XKR6: variants seen among roughly 807,000 people sequenced by gnomAD.
XKR6 encodes XK related 6.
XKR6 carries 22 observed loss-of-function variants against 56.7 expected under a neutral mutation model. The observed-to-expected ratio is 0.39, with a 90% CI of 0.28 to 0.55. XKR6 has a LOEUF of 0.55. XKR6 is among the 20% of genes least tolerant of loss of function. XKR6 has a pLI of 0.66. For synonymous variants in XKR6, 524 were observed against 387.8 expected, an observed-to-expected ratio of 1.35 and a Z score of -4.13; for missense variants, 852 against 889.0, an observed-to-expected ratio of 0.96 and a Z score of 0.53.
At chr8:10,982,118 A>G (rs1443036310) in intron 1 of XKR6, among the ~76,000 whole-genome samples, 3 of 152,250 alleles carry the variant, frequency 2.0e-5, no homozygotes, top group East Asian at 1.9e-4. Context: ...TGAAGTCTAC[A>G]CACGTCAACT....
At chr8:11,111,145 C>A (rs186993034) in intron 1 of XKR6, among the ~76,000 whole-genome samples, 1 of 151,882 alleles carries the variant, frequency 6.6e-6, no homozygotes, top group African/African-American at 2.4e-5. Flanking sequence ...TGAGCCACTG[C>A]GCCTGCCCAA....
intron 1 of XKR6, among the ~76,000 whole-genome samples, chr8:11,085,603 G>A (rs988736183): frequency 6.6e-6 from 1 of 152,122 alleles, no homozygotes; most frequent in Non-Finnish European, 1.5e-5. Flanking sequence ...GGCCAGAGCG[G>A]GAGATTATTC....
In XKR6 at chr8:11,010,776, C is replaced by CTT. The variant is rs79200947; in HGVS notation, c.765-85948_765-85947dup. Among the ~76,000 whole-genome samples the CTT allele has an allele frequency of 4.1e-5, 6 of 147,042 alleles. No homozygotes were observed. The South Asian group carries it at 6.5e-4, about 16-fold the overall frequency. On this transcript the variant is annotated intron_variant, in intron 1 of 2. Coordinates refer to ENST00000416569, the MANE Select transcript of XKR6 (RefSeq NM_173683.4). ...TTCTAAAACAGTGGCCCCTCCCCAC[C>CTT]TTTTTTTTTTTTCCTGTCATGACAT...
chr8:11,112,994 T>C (rs1171257650), intron 1 of XKR6, among the ~76,000 whole-genome samples: 1 of 152,106 alleles, frequency 6.6e-6, no homozygotes, highest in Non-Finnish European at 1.5e-5. Context: ...AAGAGAAACA[T>C]GAAAATAAAG....
intron 1 of XKR6, among the ~76,000 whole-genome samples, chr8:11,132,734 G>T (rs1374864036): frequency 6.7e-6 from 1 of 149,394 alleles, no homozygotes; most frequent in Non-Finnish European, 1.5e-5. Context: ...CTTCATACTG[G>T]CTCTGTCCCT....
chr8:10,946,807 AG>A, intron 1 of XKR6, among the ~76,000 whole-genome samples: 1 of 152,290 alleles, frequency 6.6e-6, no homozygotes, highest in East Asian at 1.9e-4. Flanking sequence ...AGGTTGGAAC[AG>A]CAGGAAAGGC....
At chr8:11,194,539 T>A (rs947596017) in intron 1 of XKR6, 2 of 152,238 alleles carry the variant, frequency 1.3e-5, no homozygotes, top group African/African-American at 4.8e-5. Flanking sequence ...ACTAGATGAA[T>A]AGCACATCAT....
rs1263888180 is a variant in XKR6 at position 10,971,257 on chromosome 8, T to C, written c.765-46427A>G. ...TAACACGGCGAAACTCCACCTCTACTAAAAATACAAAAAATTAGCCAGGTG... is the reference window on the plus strand; with the variant it reads ...TAACACGGCGAAACTCCACCTCTACCAAAAATACAAAAAATTAGCCAGGTG... On this transcript the variant is annotated intron_variant, in intron 1 of 2. Coordinates refer to ENST00000416569, the MANE Select transcript of XKR6 (RefSeq NM_173683.4). Among the ~76,000 whole-genome samples the C allele has an allele frequency of 7.9e-5, 12 of 151,694 alleles. No homozygotes were observed. The East Asian group carries it at 2.3e-3, about 30-fold the overall frequency.
intron 1 of XKR6, among the ~76,000 whole-genome samples, chr8:10,982,556 G>C (rs1797758993): frequency 6.6e-6 from 1 of 152,218 alleles, no homozygotes; most frequent in Non-Finnish European, 1.5e-5. Context: ...TAGCCCTGTT[G>C]TGACTAAGGG....
chr8:11,090,339 C>T (rs1197434464), intron 1 of XKR6, among the ~76,000 whole-genome samples: 2 of 152,196 alleles, frequency 1.3e-5, no homozygotes, highest in African/African-American at 2.4e-5. Flanking sequence ...CCTCCCCTCT[C>T]AGCCTCCCAA....
chr8:10,956,928 T>A (rs914932739), intron 1 of XKR6, among the ~76,000 whole-genome samples: 1 of 152,214 alleles, frequency 6.6e-6, no homozygotes, highest in Non-Finnish European at 1.5e-5. Context: ...CTTACCCTAG[T>A]CCTGGCCTTG....
At chr8:11,195,871 C>G (rs182686637) in intron 1 of XKR6, among the ~76,000 whole-genome samples, 1 of 150,876 alleles carries the variant, frequency 6.6e-6, no homozygotes, top group African/African-American at 2.4e-5. Flanking sequence ...CCAGGATGGT[C>G]GCGATCTCCT....
chr8:11,049,468 G>C (rs201912482), intron 1 of XKR6, among the ~76,000 whole-genome samples: 1 of 152,086 alleles, frequency 6.6e-6, no homozygotes. Flanking sequence ...AGGGGGCTGC[G>C]GGAATTAGCC....
intron 1 of XKR6, among the ~76,000 whole-genome samples, chr8:11,153,586 C>T (rs1801363533): frequency 6.6e-6 from 1 of 152,128 alleles, no homozygotes; most frequent in Non-Finnish European, 1.5e-5. Flanking sequence ...ATCTGAAATA[C>T]AAGGAATAAT....
At chr8:10,916,736 C>G (rs749422734) in intron 2 of XKR6, among the ~76,000 whole-genome samples, 1 of 152,186 alleles carries the variant, frequency 6.6e-6, no homozygotes, top group Non-Finnish European at 1.5e-5. Context: ...AAGTGCTTGC[C>G]GGGTTGCAGC....
chr8:10,958,896 C>T (rs1801975029), intron 1 of XKR6, among the ~76,000 whole-genome samples: 1 of 152,232 alleles, frequency 6.6e-6, no homozygotes, highest in Non-Finnish European at 1.5e-5. Flanking sequence ...GGAGCAGCAG[C>T]AAGGCCTGGA....
Position 11,106,863 on chromosome 8 carries a change from A to AAAAAAAAAAAAAAAAAAAAAAAAAAAAG in XKR6, c.764+93712_764+93713insCTTTTTTTTTTTTTTTTTTTTTTTTTTT, listed in dbSNP as rs60435831. On this transcript the variant is annotated intron_variant, in intron 1 of 2. Transcript: ENST00000416569. ...GAGACTTCATCTCAAAAAAAAAAAA[A>AAAAAAAAAAAAAAAAAAAAAAAAAAAAG]AATAAAAAAGATACAACGTTACAAA... Among the ~76,000 whole-genome samples, 38 of 109,914 alleles carry AAAAAAAAAAAAAAAAAAAAAAAAAAAAG rather than the reference A, an allele frequency of 3.5e-4. 4 individuals carry two copies. Among genetic ancestry groups the AAAAAAAAAAAAAAAAAAAAAAAAAAAAG allele is most frequent in the African/African-American group, 1.6e-3 (35 of 21,630 alleles). The allele number at this position is 109,914 out of a possible 152,430, so 72.1% of individuals were successfully genotyped here. A position where few individuals can be genotyped will look rare whatever the true frequency, so the allele number is the denominator to read the frequency against.
At chr8:11,156,930 T>C (rs1202648387) in intron 1 of XKR6, among the ~76,000 whole-genome samples, 1 of 151,680 alleles carries the variant, frequency 6.6e-6, no homozygotes, top group Non-Finnish European at 1.5e-5. Flanking sequence ...GCAAAGAGAG[T>C]AACTTTACAG....
intron 1 of XKR6, among the ~76,000 whole-genome samples, chr8:11,193,743 C>G (rs113803253): frequency 7.4e-6 from 1 of 134,232 alleles, no homozygotes; most frequent in African/African-American, 2.8e-5. Flanking sequence ...TTCTGACCCC[C>G]CCCCCCCCAC....
Sources: gnomAD v4.1 joint callset for allele counts (sites outside exome capture counted in the v4.1 genomes callset) on GRCh38, gnomAD v4.1.1 for gene constraint, MANE v1.5 for transcripts, NCBI Gene and HGNC (gene_info 2026-07-23, HGNC 2026-07-21) for gene names.